The following FAM228B variants were observed in gnomAD, a reference collection of about 807,000 sequenced individuals.
FAM228B encodes protein FAM228B.
Under a neutral mutation model 42.6 loss-of-function variants are expected in FAM228B, and 38 were observed. The observed-to-expected ratio is 0.89, with a 90% CI of 0.69 to 1.17. The LOEUF is 1.17. Among genes scored for constraint, FAM228B ranks in the 50% most tolerant of loss-of-function variants. The pLI is 0.00. For missense variants in FAM228B, 344 were observed against 367.3 expected, an observed-to-expected ratio of 0.94 and a Z score of 0.52; for synonymous variants, 109 against 122.3, an observed-to-expected ratio of 0.89 and a Z score of 0.72.
At position 24,167,638 on chromosome 2, in the gene FAM228B, C is replaced by T. The variant is rs191360469; in HGVS notation, c.944C>T (p.Pro315Leu). ...REEDQDGSPS[P>L]RLGLLKLEL ...AATCTTCATTTAAGGTCTCCCTCCC[C>T]GCGTTTGGGGCTGCTGAAGCTGGAG... Residue 315 changes from proline to leucine, a missense_variant, in exon 10 of 11, where the codon CCG (proline) becomes CTG (leucine). Pro to Leu is a moderately conservative substitution (Grantham distance 98). Transcript: ENST00000615575. 4.4e-5 allele frequency: 69 copies of T among 1,551,610 alleles called. No homozygotes were observed. Among genetic ancestry groups the T allele is most frequent in the Admixed American group, 2.2e-4 (11 of 50,990 alleles).
In FAM228B at chr2:24,080,186, G is replaced by A. The variant is rs576893314; in HGVS notation, c.-289-690G>A. 2.0e-3 allele frequency among the ~76,000 whole-genome samples: 297 copies of A among 152,044 alleles called. No homozygotes were observed. Among genetic ancestry groups the A allele is most frequent in the Admixed American group, 3.4e-3 (52 of 15,272 alleles). On this transcript the variant is annotated intron_variant, in intron 1 of 10. Transcript: ENST00000613899. The surrounding 1 kb of genome is among the most constrained non-coding windows in gnomAD (Gnocchi z 4.7). ...AGCCTGGCCAACATAGTGAAAGCCCGTCTCTACTAAAAATACAAAAATTAG... is the reference window on the plus strand; with the variant it reads ...AGCCTGGCCAACATAGTGAAAGCCCATCTCTACTAAAAATACAAAAATTAG...
intron 9 of FAM228B, 77 bp downstream of exon 9, chr2:24,164,412 T>C: frequency 1.4e-6 from 2 of 1,431,062 alleles, no homozygotes; most frequent in Admixed American, 4.6e-5. Context: ...ACCTGGGAAC[T>C]TTCTTTGTAT....
At chr2:24,138,574 A>G (rs1558386899) in intron 4 of FAM228B, among the ~76,000 whole-genome samples, 1 of 151,914 alleles carries the variant, frequency 6.6e-6, no homozygotes, top group Non-Finnish European at 1.5e-5. Flanking sequence ...ATTTCAGGTA[A>G]TCTGCCTGCC....
chr2:24,113,531 C>A (rs1385889289), intron 3 of FAM228B, among the ~76,000 whole-genome samples: 1 of 152,170 alleles, frequency 6.6e-6, no homozygotes, highest in Non-Finnish European at 1.5e-5. Context: ...GATCACACCA[C>A]TGCACTCCAG....
chr2:24,137,047 T>C (rs189714538), intron 3 of FAM228B, among the ~76,000 whole-genome samples: 1 of 152,326 alleles, frequency 6.6e-6, no homozygotes, highest in Admixed American at 6.5e-5. Context: ...GTCTGACTTA[T>C]TTCACTTTGG....
In FAM228B at chr2:24,092,924, G is replaced by GCACACACACA. The variant is rs3030954; in HGVS notation, c.-209-2183_-209-2174dup. Among the ~76,000 whole-genome samples the GCACACACACA allele has an allele frequency of 7.1e-3, 949 of 133,502 alleles. 9 individuals are homozygous for GCACACACACA. The highest frequency in any genetic ancestry group is 0.011 in the Non-Finnish European group (667 of 62,474). 87.6% of individuals were successfully genotyped at this position (133,502 alleles called of 152,430 possible). A position where few individuals can be genotyped will look rare whatever the true frequency, so the allele number is the denominator to read the frequency against. On this transcript the variant is annotated intron_variant, in intron 2 of 10. Coordinates refer to the FAM228B transcript ENST00000613899. ...CCCATACACATATACATGATTTTATGCACACACACACACACACACACACAC... is the reference window on the plus strand; with the variant it reads ...CCCATACACATATACATGATTTTATGCACACACACACACACACACACACACACACACACAC...
At chr2:24,160,363 C>T (rs1667258684) in intron 7 of FAM228B, among the ~76,000 whole-genome samples, 3 of 152,094 alleles carry the variant, frequency 2.0e-5, no homozygotes, top group Non-Finnish European at 1.5e-5. Context: ...ATCATCAGTT[C>T]AGAAAAATAT....
chr2:24,159,828 A>G (rs545311143), intron 7 of FAM228B, among the ~76,000 whole-genome samples: 95 of 152,272 alleles, frequency 6.2e-4, no homozygotes, highest in African/African-American at 2.3e-3. Flanking sequence ...TTTTAAAGAC[A>G]TAATTCTCTT....
chr2:24,169,539 C>A lies in FAM228B; in HGVS notation c.*198C>A, dbSNP rs960938484. 6.9e-5 allele frequency: 20 copies of A among 291,912 alleles called. No individual in the cohort carries two copies. Among genetic ancestry groups the A allele is most frequent in the African/African-American group, 4.1e-4 (19 of 46,472 alleles). 18.1% of individuals were successfully genotyped at this position (291,912 alleles called of 1,614,324 possible). A position where few individuals can be genotyped will look rare whatever the true frequency, so the allele number is the denominator to read the frequency against. ...ACGAACTTCCTTTAATTTTTGAGTT[C>A]AGTGTCTGTGATAATTAAGAAATGG... is the stretch of plus-strand genomic sequence containing the variant. On this transcript the variant is annotated 3_prime_UTR_variant, in exon 11 of 11. Transcript: ENST00000615575. The surrounding 1 kb of genome is among the most constrained non-coding windows in gnomAD (Gnocchi z 4.2).
rs1435478708 is a variant in FAM228B, at chr2:24,080,327, C to T, written c.-289-549C>T. Among the ~76,000 whole-genome samples, 1 of 151,814 alleles carries T rather than the reference C, an allele frequency of 6.6e-6. No homozygotes were observed. Among genetic ancestry groups the T allele is most frequent in the East Asian group, 1.9e-4 (1 of 5,188 alleles). ...CCGAGATCAAGCCACTGCACGCCATCCTCAGTGACAGAGTGAGACTCCATC... is the reference window on the plus strand; with the variant it reads ...CCGAGATCAAGCCACTGCACGCCATTCTCAGTGACAGAGTGAGACTCCATC... On this transcript the variant is annotated intron_variant, in intron 1 of 10. Transcript: ENST00000613899. This position sits in a 1 kb window ranked among gnomAD's most constrained non-coding sequence, Gnocchi z 4.7.
chr2:24,080,927 T>C lies in FAM228B; in HGVS notation c.-238T>C. 6.2e-7 allele frequency: 1 copy of C among 1,614,230 alleles called. No individual in the cohort carries two copies. The stretch of plus-strand genomic sequence containing the variant: ...TGAAGCTTCTTCTGGGAGCCAGCTG[T>C]GACCAGAGGAATAGCTCCAGCCATC... On this transcript the variant is annotated 5_prime_UTR_variant, in exon 2 of 11. Coordinates refer to the FAM228B transcript ENST00000613899. The surrounding 1 kb of genome is among the most constrained non-coding windows in gnomAD (Gnocchi z 4.7).
chr2:24,149,407 T>C (rs1666972940), intron 7 of FAM228B, among the ~76,000 whole-genome samples: 1 of 152,226 alleles, frequency 6.6e-6, no homozygotes, highest in African/African-American at 2.4e-5. Context: ...GACTTTTGGA[T>C]ATAAGCCATT....
Position 24,137,872 on chromosome 2 carries a change from G to A in FAM228B, c.169-37G>A, listed in dbSNP as rs1378919629. 5.7e-5 allele frequency: 81 copies of A among 1,425,184 alleles called. 2 individuals are homozygous for A. In the East Asian group the frequency reaches 1.9e-3, roughly 34 times the overall value. 88.3% of individuals were successfully genotyped at this position (1,425,184 alleles called of 1,614,324 possible). A position where few individuals can be genotyped will look rare whatever the true frequency, so the allele number is the denominator to read the frequency against. On this transcript the variant is annotated intron_variant, in intron 3 of 10. Coordinates refer to ENST00000615575, the MANE Select transcript of FAM228B (RefSeq NM_001145710.2). Reference sequence around the variant, plus strand: ...AAAATTTTAGAACAAGAAAGCTTTAGGATAATATATTTGTCTTTTCTACCA... The same window carrying A: ...AAAATTTTAGAACAAGAAAGCTTTAAGATAATATATTTGTCTTTTCTACCA...
chr2:24,081,117 G>A (rs530355536), intron 2 of FAM228B: 14 of 895,518 alleles, frequency 1.6e-5, no homozygotes, highest in South Asian at 5.1e-5. Flanking sequence ...TCACCTGGCC[G>A]TTGCACCAAA....
At position 24,164,279 on chromosome 2, in the gene FAM228B, T is replaced by C. The variant is rs1212772969; in HGVS notation, c.876T>C (p.Ser292=). Residue 292 remains serine (S), a synonymous_variant, in exon 9 of 11, where the codon TCT becomes TCC. Transcript: ENST00000615575. The stretch of plus-strand genomic sequence containing the variant: ...ATCCAAGTGCCAAAGAGGCCATCTC[T>C]GAAGGGTATTTTTCTTCCTTGAGCC... ...GNNPSAKEAI[S]EGYFSSLSLS... The C allele has an allele frequency of 1.3e-6, 2 of 1,551,408 alleles. No homozygotes were observed. The highest frequency in any genetic ancestry group is 2.4e-5 in the East Asian group (1 of 40,900).
intron 5 of FAM228B, among the ~76,000 whole-genome samples, chr2:24,144,959 G>A (rs576584841): frequency 4.4e-4 from 67 of 152,292 alleles, no homozygotes; most frequent in African/African-American, 1.5e-3. Flanking sequence ...CCTCCTGCAC[G>A]CGCCAACTGG....
chr2:24,152,113 C>G (rs1358904783), intron 7 of FAM228B, among the ~76,000 whole-genome samples: 1 of 152,202 alleles, frequency 6.6e-6, no homozygotes, highest in East Asian at 1.9e-4. Flanking sequence ...AGGTAATCTG[C>G]CTGCCTCAGC....
At chr2:24,115,936 T>C (rs79424235) in intron 3 of FAM228B, among the ~76,000 whole-genome samples, 4,295 of 146,688 alleles carry the variant, frequency 0.029, 82 homozygotes, top group African/African-American at 0.055. Flanking sequence ...GGATGAATAA[T>C]GCATATGGCT....
chr2:24,117,501 G>A (rs570182889), intron 3 of FAM228B, among the ~76,000 whole-genome samples: 1 of 150,964 alleles, frequency 6.6e-6, no homozygotes, highest in African/African-American at 2.4e-5. Context: ...GGAGTGCAAT[G>A]GCGCTATTTT....
Sources: allele counts gnomAD v4.1 joint callset (sites outside exome capture counted in the v4.1 genomes callset), GRCh38; gene constraint gnomAD v4.1.1; non-coding constraint Gnocchi (gnomAD v3.1); transcripts MANE v1.5; gene names NCBI Gene and HGNC (gene_info 2026-07-23, HGNC 2026-07-21).